The following EXOC2 variants were observed in gnomAD, a reference collection of about 807,000 sequenced individuals.
EXOC2 encodes SEC5-like 1.
Under a neutral mutation model 131.8 loss-of-function variants are expected in EXOC2, and 70 were observed. The observed-to-expected ratio is 0.53, with a 90% CI of 0.44 to 0.65. The LOEUF (loss-of-function observed/expected upper bound fraction) is 0.65, where lower values mean the gene tolerates loss of function less well. Among genes scored for constraint, EXOC2 ranks in the 30% least tolerant of loss-of-function variants. The pLI, the probability that EXOC2 is intolerant of heterozygous loss-of-function variation, is 0.00. For missense variants in EXOC2, 923 were observed against 1,108.6 expected (o/e 0.83, Z 2.38); for synonymous variants, 411 against 398.4 (o/e 1.03, Z -0.38).
intron 3 of EXOC2, among the ~76,000 whole-genome samples, chr6:632,186 G>A (rs940305620): frequency 6.6e-6 from 1 of 152,178 alleles, no homozygotes; most frequent in Non-Finnish European, 1.5e-5. Context: ...CTGGGTAAGG[G>A]ACTATGCTAA....
At chr6:571,178 G>A (rs1453402055) in intron 13 of EXOC2, among the ~76,000 whole-genome samples, 6 of 152,214 alleles carry the variant, frequency 3.9e-5, no homozygotes, top group African/African-American at 1.4e-4. Context: ...CTTTTCAATA[G>A]AGTTCATACA....
At chr6:548,333 A>G (rs908618481) in intron 22 of EXOC2, among the ~76,000 whole-genome samples, 1 of 152,246 alleles carries the variant, frequency 6.6e-6, no homozygotes, top group East Asian at 1.9e-4. Context: ...CGTGTTGATT[A>G]TAAGATTAAC....
chr6:626,446 C>T (rs1247858901), intron 4 of EXOC2, among the ~76,000 whole-genome samples: 1 of 152,170 alleles, frequency 6.6e-6, no homozygotes, highest in African/African-American at 2.4e-5. Context: ...GAACCGGACA[C>T]CACACGCAGG....
intron 23 of EXOC2, among the ~76,000 whole-genome samples, chr6:503,949 T>A (rs888695324): frequency 1.3e-5 from 2 of 152,184 alleles, no homozygotes; most frequent in Non-Finnish European, 2.9e-5. Context: ...CAATTGCTTG[T>A]TTTCTGTTTC....
chr6:581,078 G>C (rs1758865047), intron 11 of EXOC2, among the ~76,000 whole-genome samples: 1 of 152,212 alleles, frequency 6.6e-6, no homozygotes, highest in East Asian at 1.9e-4. Context: ...TGGATCATTT[G>C]AGGTCAGGAG....
intron 23 of EXOC2, among the ~76,000 whole-genome samples, chr6:501,742 G>T (rs1764218161): frequency 7.1e-6 from 1 of 140,208 alleles, no homozygotes; most frequent in Non-Finnish European, 1.5e-5. Flanking sequence ...ATATATATTG[G>T]CTCCTCAAAA....
intron 5 of EXOC2, 24 bp downstream of exon 5, chr6:619,406 G>T: frequency 6.4e-7 from 1 of 1,571,146 alleles, no homozygotes; most frequent in Non-Finnish European, 8.8e-7. Context: ...ACCCTTCACA[G>T]TTGACAGTCC....
At chr6:554,727 T>TAA (rs34262645) in intron 20 of EXOC2, among the ~76,000 whole-genome samples, 122 of 150,282 alleles carry the variant, frequency 8.1e-4, no homozygotes, top group South Asian at 2.3e-3. Flanking sequence ...ACGGATTTCT[T>TAA]AAAAAAAAAA....
chr6:507,123 CA>C (rs1764586698), intron 23 of EXOC2, among the ~76,000 whole-genome samples: 1 of 43,270 alleles, frequency 2.3e-5, no homozygotes, highest in Non-Finnish European at 8.8e-5. Context: ...TGACTACACA[CA>C]TACACACACA....
chr6:618,275 T>C (rs895692660), intron 5 of EXOC2, among the ~76,000 whole-genome samples: 1 of 152,238 alleles, frequency 6.6e-6, no homozygotes, highest in Non-Finnish European at 1.5e-5. Context: ...CTAAGCATAA[T>C]GTTATACTTA....
chr6:501,931 A>G (rs34185105), intron 23 of EXOC2, among the ~76,000 whole-genome samples: 9,262 of 151,890 alleles, frequency 0.061, 318 homozygotes, highest in Non-Finnish European at 0.073. Context: ...AAGTGAAATA[A>G]ACGAACTCGT....
At chr6:561,739 C>T (rs1398420679) in intron 17 of EXOC2, among the ~76,000 whole-genome samples, 1 of 152,210 alleles carries the variant, frequency 6.6e-6, no homozygotes, top group Non-Finnish European at 1.5e-5. Context: ...GCGCCCACCA[C>T]CATGCCCAGC....
intron 11 of EXOC2, among the ~76,000 whole-genome samples, chr6:577,509 A>G (rs1414994308): frequency 6.6e-6 from 1 of 152,228 alleles, no homozygotes; most frequent in Non-Finnish European, 1.5e-5. Flanking sequence ...GATGTTTTCC[A>G]ATCCAAATTA....
intron 26 of EXOC2, among the ~76,000 whole-genome samples, chr6:490,310 A>G (rs571518369): frequency 6.6e-6 from 1 of 152,354 alleles, no homozygotes; most frequent in East Asian, 1.9e-4. Context: ...GTGTGCACAC[A>G]TCCAACATGG....
rs758169425 is a variant in EXOC2, at chr6:610,102, C to T, written c.738G>A (p.Leu246=). The T allele has an allele frequency of 6.2e-7, 1 of 1,613,702 alleles. No individual in the cohort carries two copies. Among genetic ancestry groups the T allele is most frequent in the East Asian group, 2.2e-5 (1 of 44,860 alleles). Residue 246 remains leucine, a synonymous_variant, in exon 7 of 28, where the codon CTG becomes CTA. Coordinates refer to ENST00000230449, the MANE Select transcript of EXOC2 (RefSeq NM_018303.6). ...GSMTQKLENV[L]NRASNTADTL... ...GGGTAGTAGGACAAAACTTACTGTT[C>T]AGAACATTCTCCAGTTTCTGCGTCA...
At position 523,677 on chromosome 6, in the gene EXOC2, C is replaced by A. The variant is rs73719469; in HGVS notation, c.2380+8792G>T. On this transcript the variant is annotated intron_variant, in intron 23 of 27. Transcript: ENST00000230449. ...GGCAGGTGCCAAAGTATAATCAGTT[C>A]TTTTAAAAAAATTGTTTGTTTTTTG... Among the ~76,000 whole-genome samples, 427 of 152,270 alleles carry A rather than the reference C, an allele frequency of 2.8e-3. 3 individuals are homozygous for A. Among genetic ancestry groups the A allele is most frequent in the African/African-American group, 9.8e-3 (406 of 41,566 alleles).
At chr6:593,991 A>C (rs1759680812) in intron 10 of EXOC2, among the ~76,000 whole-genome samples, 1 of 152,250 alleles carries the variant, frequency 6.6e-6, no homozygotes, top group African/African-American at 2.4e-5. Context: ...AGGCATCTGC[A>C]GACGGGCCAC....
chr6:656,488 A>C (rs1266179591), intron 1 of EXOC2: 1 of 1,608,630 alleles, frequency 6.2e-7, no homozygotes, highest in Non-Finnish European at 8.5e-7. Context: ...CTCGCGTCGG[A>C]GGCGCGCAGG....
chr6:661,416 A>T (rs1301596372), intron 1 of EXOC2, among the ~76,000 whole-genome samples: 1 of 152,254 alleles, frequency 6.6e-6, no homozygotes, highest in Non-Finnish European at 1.5e-5. Context: ...TAGTCTATAA[A>T]GGAAAACCTA....
Sources: allele counts gnomAD v4.1 joint callset (sites outside exome capture counted in the v4.1 genomes callset), GRCh38; gene constraint gnomAD v4.1.1; transcripts MANE v1.5; gene names NCBI Gene and HGNC (gene_info 2026-07-23, HGNC 2026-07-21).